The following SHB variants were observed in gnomAD, a reference collection of about 807,000 sequenced individuals.
SHB encodes SH2 domain-containing adapter protein B.
Under a neutral mutation model 52.3 loss-of-function variants are expected in SHB, and 20 were observed. The observed-to-expected ratio is 0.38, with a 90% CI of 0.27 to 0.56. The LOEUF is 0.56. Among genes scored for constraint, SHB ranks in the 20% least tolerant of loss-of-function variants. The pLI is 0.71. For synonymous variants in SHB, 397 were observed against 316.5 expected (o/e 1.25, Z -2.70); for missense variants, 825 against 723.3 (o/e 1.14, Z -1.61).
At chr9:37,947,477 T>C (rs962923623) in intron 5 of SHB, among the ~76,000 whole-genome samples, 2 of 152,250 alleles carry the variant, frequency 1.3e-5, no homozygotes, top group African/African-American at 2.4e-5. Flanking sequence ...CCTTGAGAGA[T>C]GCATGGTCCC....
chr9:37,951,540 A>C (rs958713121), intron 4 of SHB, among the ~76,000 whole-genome samples: 11 of 152,176 alleles, frequency 7.2e-5, no homozygotes, highest in African/African-American at 2.2e-4. Flanking sequence ...TGACAAAAAC[A>C]TTTTACTAGG....
At chr9:37,999,998 G>C (rs1025880730) in intron 2 of SHB, among the ~76,000 whole-genome samples, 1 of 152,192 alleles carries the variant, frequency 6.6e-6, no homozygotes, top group Non-Finnish European at 1.5e-5. Flanking sequence ...CTTTGTGAAG[G>C]CTGACAAGAA....
At chr9:37,995,687 G>A (rs900013713) in intron 2 of SHB, among the ~76,000 whole-genome samples, 1 of 152,162 alleles carries the variant, frequency 6.6e-6, no homozygotes, top group Non-Finnish European at 1.5e-5. Context: ...GAATATTAGG[G>A]GGCAGAGGGA....
At chr9:38,054,252 T>C (rs1376521457) in intron 1 of SHB, among the ~76,000 whole-genome samples, 1 of 152,246 alleles carries the variant, frequency 6.6e-6, no homozygotes, top group African/African-American at 2.4e-5. Context: ...TGTATGACCT[T>C]GTCAGCTAGC....
intron 2 of SHB, among the ~76,000 whole-genome samples, chr9:37,983,437 T>C (rs2244713): frequency 0.57 from 86,331 of 151,494 alleles, 24,937 homozygotes; most frequent in East Asian, 0.75. Context: ...AAGTACTGCA[T>C]GGCAGCACCC....
chr9:37,979,807 A>T (rs1427911377), intron 2 of SHB, among the ~76,000 whole-genome samples: 1 of 152,108 alleles, frequency 6.6e-6, no homozygotes, highest in Non-Finnish European at 1.5e-5. Context: ...TAATACAAAA[A>T]TTAGCCAGGC....
intron 5 of SHB, among the ~76,000 whole-genome samples, chr9:37,925,343 G>C (rs375269754): frequency 6.6e-6 from 1 of 152,234 alleles, no homozygotes; most frequent in Non-Finnish European, 1.5e-5. Context: ...GTCCCAGGAC[G>C]AGCCAGTGAG....
intron 1 of SHB, among the ~76,000 whole-genome samples, chr9:38,061,015 GACC>G (rs1484501659): frequency 6.6e-6 from 1 of 152,174 alleles, no homozygotes; most frequent in Admixed American, 6.5e-5. Context: ...AGTCAGAGAC[GACC>G]ACCACCTTTG....
intron 2 of SHB, among the ~76,000 whole-genome samples, chr9:38,001,847 T>C (rs1821017947): frequency 6.6e-6 from 1 of 152,208 alleles, no homozygotes; most frequent in African/African-American, 2.4e-5. Flanking sequence ...GAGACCTCTG[T>C]AGATAACAGC....
chr9:38,024,837 C>T (rs184238690), intron 1 of SHB, among the ~76,000 whole-genome samples: 144 of 152,336 alleles, frequency 9.5e-4, no homozygotes, highest in Non-Finnish European at 1.7e-3. Flanking sequence ...GCAGCCACTA[C>T]TGAAAGGATC....
chr9:37,955,652 AT>A (rs5897708), intron 4 of SHB, among the ~76,000 whole-genome samples: 87,478 of 150,894 alleles, frequency 0.58, 25,562 homozygotes, highest in East Asian at 0.82. Flanking sequence ...TAATTTTTGT[AT>A]TTTTTTTTCT....
chr9:37,965,035 G>C (rs1258190879), intron 3 of SHB, among the ~76,000 whole-genome samples: 1 of 152,216 alleles, frequency 6.6e-6, no homozygotes, highest in Admixed American at 6.5e-5. Context: ...CCTAGAGCCT[G>C]GGAAAGTGAC....
intron 5 of SHB, among the ~76,000 whole-genome samples, chr9:37,925,136 C>T (rs1383383065): frequency 6.6e-6 from 1 of 152,256 alleles, no homozygotes; most frequent in Non-Finnish European, 1.5e-5. Flanking sequence ...ATCTATCCAT[C>T]CATCCATCCA....
chr9:38,044,947 G>C (rs1323346908), intron 1 of SHB, among the ~76,000 whole-genome samples: 1 of 152,224 alleles, frequency 6.6e-6, no homozygotes, highest in East Asian at 1.9e-4. Context: ...GGGAGGTCAG[G>C]AAGCCTCCCA....
chr9:37,963,624 G>C (rs1053431369), intron 3 of SHB, among the ~76,000 whole-genome samples: 1 of 152,144 alleles, frequency 6.6e-6, no homozygotes, highest in Non-Finnish European at 1.5e-5. Flanking sequence ...GTGTTGGTGA[G>C]GGGGAAAGGT....
intron 1 of SHB, among the ~76,000 whole-genome samples, chr9:38,055,388 ATC>A (rs1478404798): frequency 6.6e-6 from 1 of 152,174 alleles, no homozygotes; most frequent in Non-Finnish European, 1.5e-5. Flanking sequence ...CTGGAAAAAA[ATC>A]TCTCACTGAT....
chr9:38,058,102 AC>A (rs902913941), intron 1 of SHB, among the ~76,000 whole-genome samples: 3 of 152,074 alleles, frequency 2.0e-5, no homozygotes, highest in Non-Finnish European at 4.4e-5. Context: ...AGCTCTGGCC[AC>A]CCCTGACTGC....
At chr9:37,943,223 C>T (rs958182648) in intron 5 of SHB, among the ~76,000 whole-genome samples, 2 of 152,198 alleles carry the variant, frequency 1.3e-5, no homozygotes, top group Admixed American at 6.5e-5. Context: ...ACCTGCTCAT[C>T]CTTCACATTC....
intron 2 of SHB, among the ~76,000 whole-genome samples, chr9:37,990,263 T>C (rs531468465): frequency 7.9e-5 from 12 of 152,246 alleles, no homozygotes; most frequent in African/African-American, 2.9e-4. Context: ...TTGGAGGTGG[T>C]ACAGGGGCTC....
Sources: gnomAD v4.1 joint callset for allele counts (sites outside exome capture counted in the v4.1 genomes callset) on GRCh38, gnomAD v4.1.1 for gene constraint, MANE v1.5 for transcripts, NCBI Gene and HGNC (gene_info 2026-07-23, HGNC 2026-07-21) for gene names.